SLC8A1: variants seen among roughly 807,000 people sequenced by gnomAD.
SLC8A1 encodes sodium/calcium exchanger 1.
Under a neutral mutation model 68.3 loss-of-function variants are expected in SLC8A1, and 18 were observed. That is an observed-to-expected ratio of 0.26 (90% CI 0.18 to 0.39). The LOEUF is 0.39. Ranked by LOEUF, SLC8A1 falls within the 10% of genes least tolerant of loss-of-function variation. The probability of loss-of-function intolerance (pLI) is 1.00; values close to 1 mark genes in which losing one functional copy is unlikely to be tolerated. For missense variants in SLC8A1, 985 were observed against 1,156.7 expected (o/e 0.85, Z 2.15); for synonymous variants, 475 against 415.5 (o/e 1.14, Z -1.74).
intron 2 of SLC8A1, chr2:40,255,169 TGACA>T (rs2063697537): frequency 6.6e-6 from 1 of 152,136 alleles, no homozygotes; most frequent in Non-Finnish European, 1.5e-5. Context: ...CATGTTAACA[TGACA>T]AACAACAAGG....
chr2:40,361,866 G>A (rs1352522612), intron 2 of SLC8A1, among the ~76,000 whole-genome samples: 1 of 130,400 alleles, frequency 7.7e-6, no homozygotes, highest in Non-Finnish European at 1.6e-5. Flanking sequence ...TAGATAGTCA[G>A]ATGTTTATAT....
At chr2:40,175,973 T>TC in intron 3 of SLC8A1, 4 of 450,430 alleles carry the variant, frequency 8.9e-6, no homozygotes, top group South Asian at 6.3e-5. Flanking sequence ...CATTATTAGA[T>TC]AACCAGAATC....
chr2:40,409,150 A>G (rs980553833), intron 2 of SLC8A1, among the ~76,000 whole-genome samples: 2 of 152,202 alleles, frequency 1.3e-5, no homozygotes, highest in African/African-American at 4.8e-5. Flanking sequence ...TCCTTTTCTC[A>G]GAACAAATTT....
At chr2:40,129,499 G>A (rs1373114581) in intron 7 of SLC8A1, among the ~76,000 whole-genome samples, 3 of 152,124 alleles carry the variant, frequency 2.0e-5, no homozygotes, top group Admixed American at 6.6e-5. Flanking sequence ...GCCTCCCAAA[G>A]TGTGGGGATT....
At chr2:40,232,509 G>C (rs2059786222) in intron 2 of SLC8A1, among the ~76,000 whole-genome samples, 1 of 151,600 alleles carries the variant, frequency 6.6e-6, no homozygotes, top group Non-Finnish European at 1.5e-5. Flanking sequence ...GGAGGATAGG[G>C]AAGGGAATTT....
At chr2:40,117,312 A>T (rs2035660729) in intron 7 of SLC8A1, among the ~76,000 whole-genome samples, 1 of 147,082 alleles carries the variant, frequency 6.8e-6, no homozygotes. Context: ...TGGGAGGCCG[A>T]GATGGGCGGA....
At chr2:40,454,755 G>T (rs1702903502), upstream of SLC8A1, among the ~76,000 whole-genome samples, 1 of 151,972 alleles carries the variant, frequency 6.6e-6, no homozygotes, top group Non-Finnish European at 1.5e-5. Flanking sequence ...TGGTTCCAGG[G>T]CCCCAAGGCA....
Position 40,426,873 on chromosome 2 carries a change from G to C in SLC8A1, c.1808+1600C>G, listed in dbSNP as rs552010687. ...CATTAGGGAAAATATAATCAATAGGGAAAGAATTCCTAGCAAAGGAATAAA... is the reference window on the plus strand; with the variant it reads ...CATTAGGGAAAATATAATCAATAGGCAAAGAATTCCTAGCAAAGGAATAAA... On this transcript the variant is annotated intron_variant, in intron 2 of 7. Transcript: ENST00000406785. 4.6e-5 allele frequency among the ~76,000 whole-genome samples: 7 copies of C among 151,918 alleles called. No homozygotes were observed. In the South Asian group the frequency reaches 1.0e-3, roughly 23 times the overall value.
At chr2:40,228,759 T>C (rs531554952) in intron 2 of SLC8A1, among the ~76,000 whole-genome samples, 10 of 152,158 alleles carry the variant, frequency 6.6e-5, no homozygotes, top group Non-Finnish European at 1.2e-4. Context: ...TCCACCTGTT[T>C]TGATGCATAA....
At chr2:40,493,873 C>A (rs549238669) in intron 1 of SLC8A1, among the ~76,000 whole-genome samples, 3 of 152,014 alleles carry the variant, frequency 2.0e-5, no homozygotes, top group African/African-American at 7.2e-5. Context: ...TTTCCTCTTT[C>A]TTTTTCTCTC....
chr2:40,211,858 G>A (rs2056634007), intron 2 of SLC8A1, among the ~76,000 whole-genome samples: 1 of 152,142 alleles, frequency 6.6e-6, no homozygotes, highest in Non-Finnish European at 1.5e-5. Flanking sequence ...TAATTTTTCT[G>A]AAGATGTGAA....
Position 40,391,397 on chromosome 2 carries a change from A to G in SLC8A1, c.1808+37076T>C, listed in dbSNP as rs182734935. Among the ~76,000 whole-genome samples the G allele has an allele frequency of 5.7e-3, 865 of 152,122 alleles. 2 individuals are homozygous for G. The highest frequency in any genetic ancestry group is 0.01 in the Middle Eastern group (3 of 294). On this transcript the variant is annotated intron_variant, in intron 2 of 7. Coordinates refer to ENST00000406785, the Ensembl canonical transcript of SLC8A1. Reference sequence around the variant, plus strand: ...AAAAGAAAGCAGCATATGGAACTAGAAATACTTTCTGGAAGCTCTAATCTC... The same window carrying G: ...AAAAGAAAGCAGCATATGGAACTAGGAATACTTTCTGGAAGCTCTAATCTC...
At chr2:40,432,969 G>C (rs891047229) in intron 1 of SLC8A1, among the ~76,000 whole-genome samples, 2 of 152,072 alleles carry the variant, frequency 1.3e-5, no homozygotes, top group African/African-American at 4.8e-5. Context: ...TTGGGGACCT[G>C]AAAGAATCAG....
intron 2 of SLC8A1, among the ~76,000 whole-genome samples, chr2:40,300,741 G>A (rs913503421): frequency 6.6e-5 from 10 of 152,152 alleles, no homozygotes; most frequent in Non-Finnish European, 2.9e-5. Context: ...GTCAGGAAAA[G>A]GCTGAAGACA....
intron 6 of SLC8A1, among the ~76,000 whole-genome samples, chr2:40,153,773 T>A (rs2043899740): frequency 6.6e-6 from 1 of 152,152 alleles, no homozygotes; most frequent in African/African-American, 2.4e-5. Flanking sequence ...CACAAAAACA[T>A]TCCTTATGAT....
At chr2:40,224,354 T>C (rs2058712101) in intron 2 of SLC8A1, among the ~76,000 whole-genome samples, 1 of 152,094 alleles carries the variant, frequency 6.6e-6, no homozygotes, top group African/African-American at 2.4e-5. Context: ...TGGAATCTGC[T>C]CAACGCTAAA....
chr2:40,265,962 C>T (rs1032701939), intron 2 of SLC8A1, among the ~76,000 whole-genome samples: 1 of 152,100 alleles, frequency 6.6e-6, no homozygotes, highest in African/African-American at 2.4e-5. Context: ...CAGTTTGACC[C>T]ACTTAACATA....
chr2:40,311,031 TGAGA>T (rs765310688), intron 2 of SLC8A1, among the ~76,000 whole-genome samples: 1 of 152,174 alleles, frequency 6.6e-6, no homozygotes, highest in Non-Finnish European at 1.5e-5. Context: ...GTTTAGAAAC[TGAGA>T]GAAATAATTT....
chr2:40,122,232 G>T (rs1017896548), intron 7 of SLC8A1, among the ~76,000 whole-genome samples: 2 of 110,150 alleles, frequency 1.8e-5, no homozygotes, highest in African/African-American at 6.5e-5. Context: ...ACACGTGTGC[G>T]CGCGCACACA....
Sources: gnomAD v4.1 joint callset for allele counts (sites outside exome capture counted in the v4.1 genomes callset) on GRCh38, gnomAD v4.1.1 for gene constraint, MANE v1.5 for transcripts, NCBI Gene and HGNC (gene_info 2026-07-23, HGNC 2026-07-21) for gene names.